Variants in CENPK observed in about 807,000 individuals in gnomAD.
The protein encoded by CENPK is SoxLZ/Sox6-binding protein Solt.
A neutral mutation model predicts 40.9 loss-of-function variants in CENPK; 46 were observed. That is an observed-to-expected ratio of 1.13 (90% CI 0.89 to 1.44). The LOEUF is 1.44. CENPK is among the 40% of genes most tolerant of loss of function. The pLI is 0.00. For synonymous variants in CENPK, 107 were observed against 104.4 expected (o/e 1.02, Z -0.15); for missense variants, 288 against 303.5 (o/e 0.95, Z 0.38).
intron 6 of CENPK, among the ~76,000 whole-genome samples, chr5:65,539,755 T>C (rs1216606534): frequency 1.3e-5 from 2 of 152,242 alleles, no homozygotes; most frequent in African/African-American, 4.8e-5. Context: ...AGCTCAAGGC[T>C]CTGCCAGGAG....
At chr5:65,549,448 G>A (rs139475934) in intron 5 of CENPK, among the ~76,000 whole-genome samples, 7 of 152,290 alleles carry the variant, frequency 4.6e-5, no homozygotes, top group Non-Finnish European at 1.0e-4. Flanking sequence ...TCCTTTTGAA[G>A]CTTTGGAGCC....
chr5:65,534,483 T>C lies in CENPK; in HGVS notation c.289-5284A>G, dbSNP rs138856482. ...TATTTTAAAGCTTTGGTAAAAAACA[T>C]AATGTGGTATTGGCTTAAAGACAGA... is the stretch of plus-strand genomic sequence containing the variant. On this transcript the variant is annotated intron_variant, in intron 6 of 10. Coordinates refer to ENST00000396679, the MANE Select transcript of CENPK (RefSeq NM_022145.5). 4.1e-4 allele frequency among the ~76,000 whole-genome samples: 62 copies of C among 152,204 alleles called. 2 individuals carry two copies. In the East Asian group the frequency reaches 0.012, roughly 28 times the overall value.
At chr5:65,526,325 G>A (rs1175281983) in intron 9 of CENPK, among the ~76,000 whole-genome samples, 1 of 152,156 alleles carries the variant, frequency 6.6e-6, no homozygotes, top group African/African-American at 2.4e-5. Context: ...TGGCCAACAG[G>A]AGGCTGTCAT....
chr5:65,501,982 A>G, the CENPK span, among the ~76,000 whole-genome samples: 1 of 152,190 alleles, frequency 6.6e-6, no homozygotes, highest in African/African-American at 2.4e-5. Flanking sequence ...CAGAACCACC[A>G]CATGGCCTTC....
downstream of CENPK, among the ~76,000 whole-genome samples, chr5:65,516,665 C>A (rs533004106): frequency 6.7e-6 from 1 of 149,836 alleles, no homozygotes; most frequent in Admixed American, 6.7e-5. Flanking sequence ...TTTGTATAAT[C>A]AAAAATAAGT....
chr5:65,520,275 A>T (rs1743479706), intron 10 of CENPK, among the ~76,000 whole-genome samples: 1 of 152,134 alleles, frequency 6.6e-6, no homozygotes, highest in African/African-American at 2.4e-5. Context: ...ACCTTCTGCT[A>T]TGAGTAAAAG....
intron 6 of CENPK, among the ~76,000 whole-genome samples, chr5:65,538,985 C>T (rs1158370744): frequency 6.6e-6 from 1 of 152,200 alleles, no homozygotes; most frequent in Non-Finnish European, 1.5e-5. Context: ...TGGGGGCAAA[C>T]TCTTTTCATC....
chr5:65,550,174 CAAAAAAAA>C (rs56732964), intron 5 of CENPK, among the ~76,000 whole-genome samples: 1 of 59,514 alleles, frequency 1.7e-5, no homozygotes, highest in Non-Finnish European at 3.3e-5. Context: ...GACTCCATCT[CAAAAAAAA>C]AAAAAAAAAA....
intron 6 of CENPK, among the ~76,000 whole-genome samples, chr5:65,533,262 A>C (rs1746219988): frequency 6.6e-6 from 1 of 152,014 alleles, no homozygotes. Flanking sequence ...AGGCAGGAGA[A>C]TTGCTTGAAC....
At position 65,542,789 on chromosome 5, in the gene CENPK, T is replaced by TTGA; in HGVS notation, c.288+10_288+12dup. On this transcript the variant is annotated intron_variant, in intron 6 of 10. Transcript: ENST00000396679. ...ATTATTTGGGGTCACTACAAATTCATTGAGTGGCTTACCTCTTCTTTTCCT... is the reference window on the plus strand; with the variant it reads ...ATTATTTGGGGTCACTACAAATTCATTGATGAGTGGCTTACCTCTTCTTTTCCT... 3 of 1,599,524 alleles carry TTGA rather than the reference T, an allele frequency of 1.9e-6. No individual in the cohort carries two copies. The highest frequency in any genetic ancestry group is 1.7e-6 in the Non-Finnish European group (2 of 1,171,814).
intron 6 of CENPK, among the ~76,000 whole-genome samples, chr5:65,536,739 C>T (rs1018340178): frequency 4.6e-5 from 7 of 151,980 alleles, no homozygotes; most frequent in African/African-American, 1.7e-4. Flanking sequence ...TTTTAATATT[C>T]TGCAACTTAT....
rs573976958 is a variant in CENPK, at chr5:65,542,978, C to T, written c.242-130G>A. The T allele has an allele frequency of 9.8e-5, 70 of 715,686 alleles. No homozygotes were observed. In the African/African-American group the frequency reaches 1.1e-3, roughly 12 times the overall value. 44.3% of individuals were successfully genotyped at this position (715,686 alleles called of 1,614,324 possible). A position where few individuals can be genotyped will look rare whatever the true frequency, so the allele number is the denominator to read the frequency against. ...TATATAATATACAACTTTTTCTCCCCTCCAAGGCAGAGTTTCCCTCTTGTC... is the reference window on the plus strand; with the variant it reads ...TATATAATATACAACTTTTTCTCCCTTCCAAGGCAGAGTTTCCCTCTTGTC... On this transcript the variant is annotated intron_variant, in intron 5 of 10. Coordinates refer to ENST00000396679, the MANE Select transcript of CENPK (RefSeq NM_022145.5).
chr5:65,551,070 C>T (rs112535439), intron 5 of CENPK: 58,855 of 260,928 alleles, frequency 0.23, 7,807 homozygotes, highest in South Asian at 0.34. Flanking sequence ...GGTGAAACCC[C>T]GTCTCTACAA....
intron 2 of CENPK, among the ~76,000 whole-genome samples, chr5:65,559,881 A>G (rs1680472254): frequency 6.6e-6 from 1 of 152,040 alleles, no homozygotes; most frequent in African/African-American, 2.4e-5. Flanking sequence ...TAATCCAAAT[A>G]GATATATATT....
At chr5:65,536,238 G>A (rs547056676) in intron 6 of CENPK, among the ~76,000 whole-genome samples, 11 of 152,242 alleles carry the variant, frequency 7.2e-5, no homozygotes, top group African/African-American at 2.6e-4. Flanking sequence ...CTATGAAAGG[G>A]AAAAATTTTG....
rs1374129044 is a variant in CENPK, at chr5:65,521,459, T to C, written c.651+16A>G. On this transcript the variant is annotated intron_variant, in intron 10 of 10. Coordinates refer to ENST00000396679, the MANE Select transcript of CENPK (RefSeq NM_022145.5). ...AAGACAGCTTCAAGACAAAACAAACTACACAAAACACTTACCTCTAACATT... is the reference window on the plus strand; with the variant it reads ...AAGACAGCTTCAAGACAAAACAAACCACACAAAACACTTACCTCTAACATT... 6.2e-7 allele frequency: 1 copy of C among 1,601,576 alleles called. No individual in the cohort carries two copies. The highest frequency in any genetic ancestry group is 8.5e-7 in the Non-Finnish European group (1 of 1,171,184).
chr5:65,543,657 C>T (rs1748374287), intron 5 of CENPK, among the ~76,000 whole-genome samples: 1 of 152,080 alleles, frequency 6.6e-6, no homozygotes, highest in Non-Finnish European at 1.5e-5. Flanking sequence ...GAGTGATTGC[C>T]CTCTTGATTG....
chr5:65,558,522 G>A (rs976488172), intron 2 of CENPK, among the ~76,000 whole-genome samples: 6 of 152,212 alleles, frequency 3.9e-5, no homozygotes, highest in African/African-American at 1.2e-4. Context: ...TGGTAACTAC[G>A]GTTATCAGCT....
At chr5:65,517,376 T>C (rs1414652220), downstream of CENPK, among the ~76,000 whole-genome samples, 1 of 152,202 alleles carries the variant, frequency 6.6e-6, no homozygotes, top group Non-Finnish European at 1.5e-5. Context: ...TCCAGTAACT[T>C]CAAAGAGTAA....
Sources: allele counts gnomAD v4.1 joint callset (sites outside exome capture counted in the v4.1 genomes callset), GRCh38; gene constraint gnomAD v4.1.1; transcripts MANE v1.5; gene names NCBI Gene and HGNC (gene_info 2026-07-23, HGNC 2026-07-21).